Variants in ARB2A observed in about 807,000 individuals in gnomAD.
ARB2A encodes ARB2 cotranscriptional regulator A.
chr5:93,830,462 C>T, the ARB2A span, among the ~76,000 whole-genome samples: 37 of 151,386 alleles, frequency 2.4e-4, 1 homozygote, highest in African/African-American at 8.7e-4. Context: ...GAGGTATTAA[C>T]ACATAAAGAC....
At chr5:93,862,152 A>ATT in the ARB2A span, 12 of 152,216 alleles carry the variant, frequency 7.9e-5, no homozygotes, top group Non-Finnish European at 1.8e-4. Flanking sequence ...GACAGAGTAT[A>ATT]TTTACAAATA....
chr5:94,023,381 T>C, the ARB2A span, among the ~76,000 whole-genome samples: 1 of 152,144 alleles, frequency 6.6e-6, no homozygotes, highest in African/African-American at 2.4e-5. Context: ...AAATAATAGC[T>C]GAAGGTATAT....
chr5:93,795,567 C>T, the ARB2A span, among the ~76,000 whole-genome samples: 1 of 152,164 alleles, frequency 6.6e-6, no homozygotes, highest in African/African-American at 2.4e-5. Context: ...CAAGTGGGAG[C>T]TGCATACTAG....
the ARB2A span, among the ~76,000 whole-genome samples, chr5:93,961,454 G>T: frequency 1.3e-5 from 2 of 152,094 alleles, no homozygotes; most frequent in Non-Finnish European, 2.9e-5. Flanking sequence ...AATGCTGCTC[G>T]ATAAAGGACC....
At chr5:93,742,047 C>T in the ARB2A span, among the ~76,000 whole-genome samples, 1 of 152,222 alleles carries the variant, frequency 6.6e-6, no homozygotes, top group South Asian at 2.1e-4. Context: ...ACAAGTACTG[C>T]CAACAGTTCC....
At chr5:93,722,723 G>C in the ARB2A span, among the ~76,000 whole-genome samples, 3 of 152,096 alleles carry the variant, frequency 2.0e-5, no homozygotes, top group African/African-American at 7.2e-5. Flanking sequence ...ACACCTCATG[G>C]AAGCGAGAGG....
chr5:94,085,749 G>T, the ARB2A span, among the ~76,000 whole-genome samples: 1 of 152,284 alleles, frequency 6.6e-6, no homozygotes, highest in East Asian at 1.9e-4. Context: ...AATTATAGGA[G>T]AGCAAATATA....
At chr5:94,060,482 G>A in the ARB2A span, among the ~76,000 whole-genome samples, 10 of 152,164 alleles carry the variant, frequency 6.6e-5, no homozygotes, top group East Asian at 1.9e-4. Context: ...TAAACAATAC[G>A]AATAGTCTTA....
chr5:94,101,272 G>C, the ARB2A span, among the ~76,000 whole-genome samples: 1 of 152,172 alleles, frequency 6.6e-6, no homozygotes, highest in Non-Finnish European at 1.5e-5. Context: ...ACACCAGTCA[G>C]AATGGCTATT....
the ARB2A span, among the ~76,000 whole-genome samples, chr5:94,062,163 TGAAA>T: frequency 1.3e-5 from 2 of 152,040 alleles, no homozygotes; most frequent in African/African-American, 4.8e-5. Context: ...AATTCAAAGA[TGAAA>T]AGACAGTCTT....
chr5:94,019,869 A>C, the ARB2A span, among the ~76,000 whole-genome samples: 2 of 152,208 alleles, frequency 1.3e-5, no homozygotes, highest in Non-Finnish European at 2.9e-5. Context: ...TTGAATACAC[A>C]GTATTGTTCT....
chr5:94,108,363 T>C, the ARB2A span, among the ~76,000 whole-genome samples: 3 of 151,748 alleles, frequency 2.0e-5, no homozygotes, highest in African/African-American at 7.3e-5. Context: ...TTTATTATTA[T>C]AGAAGATGGT....
At chr5:93,835,203 C>T in the ARB2A span, among the ~76,000 whole-genome samples, 1 of 152,148 alleles carries the variant, frequency 6.6e-6, no homozygotes, top group Admixed American at 6.6e-5. Context: ...ATCAACTATG[C>T]CAGATTCTAC....
chr5:93,830,936 G>T, the ARB2A span, among the ~76,000 whole-genome samples: 1 of 152,146 alleles, frequency 6.6e-6, no homozygotes, highest in South Asian at 2.1e-4. Context: ...CTCTCTGGGG[G>T]TGATGAGAGA....
chr5:93,893,546 G>T, the ARB2A span, among the ~76,000 whole-genome samples: 1 of 152,106 alleles, frequency 6.6e-6, no homozygotes, highest in Non-Finnish European at 1.5e-5. Flanking sequence ...AAAGTAGAAT[G>T]AATTTCACAT....
the ARB2A span, among the ~76,000 whole-genome samples, chr5:93,927,852 A>G: frequency 6.6e-6 from 1 of 152,180 alleles, no homozygotes; most frequent in Middle Eastern, 3.2e-3. Context: ...AAGGGAAGAA[A>G]AAAAGAAGAG....
At chr5:93,867,652 G>A in the ARB2A span, among the ~76,000 whole-genome samples, 13 of 152,130 alleles carry the variant, frequency 8.5e-5, no homozygotes, top group African/African-American at 2.4e-4. Flanking sequence ...TCTTGACTTC[G>A]TGATCTGCCT....
chr5:94,096,848 A>G, the ARB2A span, among the ~76,000 whole-genome samples: 1 of 152,192 alleles, frequency 6.6e-6, no homozygotes, highest in African/African-American at 2.4e-5. Context: ...AACTCAACAC[A>G]GGGTTACTGA....
At chr5:93,874,945 C>T in the ARB2A span, among the ~76,000 whole-genome samples, 1 of 152,056 alleles carries the variant, frequency 6.6e-6, no homozygotes, top group Non-Finnish European at 1.5e-5. Flanking sequence ...GCCCTAAAGC[C>T]CCAAGACTGT....
Sources: gnomAD v4.1 joint callset for allele counts (sites outside exome capture counted in the v4.1 genomes callset) on GRCh38, gnomAD v4.1.1 for gene constraint, MANE v1.5 for transcripts, NCBI Gene and HGNC (gene_info 2026-07-23, HGNC 2026-07-21) for gene names.